OCM: variants seen among roughly 807,000 people sequenced by gnomAD.
The protein encoded by OCM is oncomodulin-1.
In OCM, 18 loss-of-function variants were observed where a neutral mutation model predicts 14.1. That is an observed-to-expected ratio of 1.28 (90% CI 0.88 to 1.89). The LOEUF (loss-of-function observed/expected upper bound fraction) is 1.89. Ranked by LOEUF, OCM falls within the 40% of genes most tolerant of loss-of-function variation. OCM has a pLI of 0.00. For missense variants in OCM, 140 were observed against 137.6 expected, an observed-to-expected ratio of 1.02 and a Z score of -0.09; for synonymous variants, 48 against 51.0, an observed-to-expected ratio of 0.94 and a Z score of 0.25.
chr7:5,877,533 C>A (rs1479846408), upstream of OCM, among the ~76,000 whole-genome samples: 1 of 151,448 alleles, frequency 6.6e-6, no homozygotes, highest in Non-Finnish European at 1.5e-5. Flanking sequence ...AAAAGGAGAC[C>A]CTAGGCCAGG....
chr7:5,876,888 C>T (rs1245385207), upstream of OCM, among the ~76,000 whole-genome samples: 2 of 151,902 alleles, frequency 1.3e-5, no homozygotes, highest in African/African-American at 4.8e-5. Context: ...TCACCGCAAC[C>T]TCCACCTCCC....
chr7:5,861,611 G>C, the OCM span, among the ~76,000 whole-genome samples: 1 of 152,144 alleles, frequency 6.6e-6, no homozygotes, highest in African/African-American at 2.4e-5. Context: ...TCAGAGGAAA[G>C]TGAGTTTAGC....
chr7:5,870,105 T>C, the OCM span, among the ~76,000 whole-genome samples: 1 of 150,414 alleles, frequency 6.6e-6, no homozygotes, highest in East Asian at 2.2e-4. Context: ...TTTTATTTTA[T>C]TTTATTTTAT....
upstream of OCM, among the ~76,000 whole-genome samples, chr7:5,876,805 CT>C (rs111241085): frequency 0.063 from 8,889 of 140,236 alleles, 334 homozygotes; most frequent in East Asian, 0.22. Context: ...TTGTCTACTT[CT>C]TTTTTTTTTT....
At chr7:5,871,399 G>T in the OCM span, among the ~76,000 whole-genome samples, 6 of 151,170 alleles carry the variant, frequency 4.0e-5, no homozygotes, top group South Asian at 6.3e-4. Context: ...TCACTCTGTT[G>T]CCTAGGCTGG....
At chr7:5,866,971 TGTG>T in the OCM span, among the ~76,000 whole-genome samples, 2 of 152,204 alleles carry the variant, frequency 1.3e-5, no homozygotes, top group Non-Finnish European at 2.9e-5. Context: ...CTTTACAATA[TGTG>T]GTGGATATTT....
Position 5,880,951 on chromosome 7 carries a change from G to A in OCM, c.61+1G>A, listed in dbSNP as rs766993009. Reference sequence around the variant, plus strand: ...GCAGCAGCGCTCCAGGAATGCCGAGGTAGAGGGGACGTGAGGCGGGGGTGG... The same window carrying A: ...GCAGCAGCGCTCCAGGAATGCCGAGATAGAGGGGACGTGAGGCGGGGGTGG... On this transcript the variant is annotated splice_donor_variant, in intron 1 of 3. Coordinates refer to ENST00000242104, the MANE Select transcript of OCM (RefSeq NM_001097622.2). LOFTEE classifies it high-confidence loss of function. The A allele has an allele frequency of 6.2e-7, 1 of 1,611,854 alleles. No individual in the cohort carries two copies. The highest frequency in any genetic ancestry group is 8.5e-7 in the Non-Finnish European group (1 of 1,178,128).
the OCM span, among the ~76,000 whole-genome samples, chr7:5,870,353 C>T: frequency 6.6e-6 from 1 of 152,198 alleles, no homozygotes; most frequent in Admixed American, 6.5e-5. Context: ...CTCAAGCCAT[C>T]CTCCCTGCCT....
the OCM span, among the ~76,000 whole-genome samples, chr7:5,863,048 C>CT: frequency 3.9e-5 from 6 of 152,124 alleles, no homozygotes; most frequent in Admixed American, 2.6e-4. Context: ...CTCTTTACTC[C>CT]TTTTTTCACA....
chr7:5,867,368 G>C, the OCM span, among the ~76,000 whole-genome samples: 1 of 152,050 alleles, frequency 6.6e-6, no homozygotes, highest in African/African-American at 2.4e-5. Flanking sequence ...TGAACATATT[G>C]TGTCTCTTTT....
the OCM span, among the ~76,000 whole-genome samples, chr7:5,864,338 C>A: frequency 7.2e-6 from 1 of 138,224 alleles, no homozygotes; most frequent in African/African-American, 2.9e-5. Context: ...CAGGGGGAGA[C>A]CTTGTCTCAA....
chr7:5,879,054 A>T (rs1781155894), upstream of OCM, among the ~76,000 whole-genome samples: 1 of 151,992 alleles, frequency 6.6e-6, no homozygotes, highest in South Asian at 2.1e-4. Context: ...TTAAAAAATT[A>T]GCCAGGCATG....
At chr7:5,863,733 CA>C in the OCM span, among the ~76,000 whole-genome samples, 1 of 151,980 alleles carries the variant, frequency 6.6e-6, no homozygotes, top group Non-Finnish European at 1.5e-5. Flanking sequence ...GGGGTTTCAC[CA>C]TGTTGGCCAT....
chr7:5,862,882 G>A, the OCM span, among the ~76,000 whole-genome samples: 5 of 150,796 alleles, frequency 3.3e-5, no homozygotes, highest in African/African-American at 1.2e-4. Flanking sequence ...AATGCATCAT[G>A]GACTCTTTAC....
At chr7:5,869,068 CAAACA>C in the OCM span, among the ~76,000 whole-genome samples, 35 of 151,770 alleles carry the variant, frequency 2.3e-4, no homozygotes, top group African/African-American at 3.1e-4. Context: ...GTCTCAAAAA[CAAACA>C]AAACAAAACA....
upstream of OCM, among the ~76,000 whole-genome samples, chr7:5,877,462 C>G (rs1343701921): frequency 1.3e-5 from 2 of 151,694 alleles, no homozygotes; most frequent in African/African-American, 4.8e-5. Flanking sequence ...AACTCTGTCT[C>G]AAAAACAAAT....
chr7:5,883,964 C>T lies in OCM; in HGVS notation c.269C>T (p.Ala90Val), dbSNP rs761666980. The T allele has an allele frequency of 3.2e-5, 51 of 1,613,044 alleles. No homozygotes were observed. The highest frequency in any genetic ancestry group is 2.5e-4 in the South Asian group (23 of 90,972). ...GAAACCAAGTCCTTGATGGCTGCGG[C>T]GGATAATGATGGAGATGGGAAAATT... The part of the protein sequence containing the change: ...ESETKSLMAA[A>V]DNDGDGKIGA... The change falls in exon 3 of 4, where the codon GCG (alanine) becomes GTG (valine). Residue 90 changes from alanine (A) to valine (V), a missense_variant. Coordinates refer to ENST00000242104, the MANE Select transcript of OCM (RefSeq NM_001097622.2).
At chr7:5,862,679 C>T in the OCM span, among the ~76,000 whole-genome samples, 2 of 151,978 alleles carry the variant, frequency 1.3e-5, no homozygotes, top group Non-Finnish European at 2.9e-5. Flanking sequence ...TCCCTCTTTT[C>T]ACGTTTATCT....
chr7:5,863,036 G>T, the OCM span, among the ~76,000 whole-genome samples: 1 of 152,282 alleles, frequency 6.6e-6, no homozygotes, highest in East Asian at 1.9e-4. Flanking sequence ...ATGCATCATG[G>T]ACTCTTTACT....
Sources: allele counts gnomAD v4.1 joint callset (sites outside exome capture counted in the v4.1 genomes callset), GRCh38; gene constraint gnomAD v4.1.1; transcripts MANE v1.5; gene names NCBI Gene and HGNC (gene_info 2026-07-23, HGNC 2026-07-21).